The following OSBPL8 variants were observed in gnomAD, a reference collection of about 807,000 sequenced individuals.
OSBPL8 encodes oxysterol-binding protein-related protein 8.
OSBPL8 carries 59 observed loss-of-function variants against 125.5 expected under a neutral mutation model. That is an observed-to-expected ratio of 0.47 (90% CI 0.38 to 0.58). OSBPL8 has a LOEUF of 0.58. Ranked by LOEUF, OSBPL8 falls within the 20% of genes least tolerant of loss-of-function variation. OSBPL8 has a pLI of 0.00. For synonymous variants in OSBPL8, 330 were observed against 338.9 expected (o/e 0.97, Z 0.29); for missense variants, 758 against 1,047.8 (o/e 0.72, Z 3.82).
At chr12:76,499,696 C>CA (rs1387715842) in intron 1 of OSBPL8, among the ~76,000 whole-genome samples, 3 of 152,002 alleles carry the variant, frequency 2.0e-5, no homozygotes, top group Non-Finnish European at 1.5e-5. Flanking sequence ...ACTAAAAATA[C>CA]AAAAATTAGC....
intron 1 of OSBPL8, among the ~76,000 whole-genome samples, chr12:76,517,546 T>C (rs150395917): frequency 1.3e-4 from 20 of 152,310 alleles, no homozygotes; most frequent in Non-Finnish European, 2.8e-4. Context: ...ATGACAATGA[T>C]AAATTTTAAA....
chr12:76,511,967 T>C (rs1881043133), intron 1 of OSBPL8, among the ~76,000 whole-genome samples: 1 of 152,184 alleles, frequency 6.6e-6, no homozygotes, highest in South Asian at 2.1e-4. Flanking sequence ...ATCATTTAAC[T>C]TGTTAAATTT....
In OSBPL8 at chr12:76,371,513, A is replaced by G. The variant is rs1592541599; in HGVS notation, c.1989T>C (p.Ile663=). ...TGTGCCTTATTAATCTCCATTGCTT[A>G]ATGTCAGGTGTTGGATTCCAGAAAA... ...SEVFWNPTPD[I]KQWRLIRHTV... The change falls in exon 19 of 24, where the codon ATT becomes ATC. Residue 663 remains isoleucine (I), a synonymous_variant. Transcript: ENST00000261183. 1 of 1,611,516 alleles carries G rather than the reference A, an allele frequency of 6.2e-7. No homozygotes were observed. Among genetic ancestry groups the G allele is most frequent in the South Asian group, 1.1e-5 (1 of 90,692 alleles).
chr12:76,512,150 G>A (rs1164450979), intron 1 of OSBPL8, among the ~76,000 whole-genome samples: 1 of 152,220 alleles, frequency 6.6e-6, no homozygotes, highest in South Asian at 2.1e-4. Flanking sequence ...GTAGACCCCA[G>A]TGTCTGTTGT....
intron 3 of OSBPL8, among the ~76,000 whole-genome samples, chr12:76,459,409 T>A (rs2136816108): frequency 6.6e-6 from 1 of 152,342 alleles, no homozygotes; most frequent in South Asian, 2.1e-4. Context: ...ATTCCTAAGG[T>A]AAAACATGTT....
At chr12:76,460,594 G>A (rs1427263884) in intron 2 of OSBPL8, among the ~76,000 whole-genome samples, 1 of 151,984 alleles carries the variant, frequency 6.6e-6, no homozygotes, top group East Asian at 1.9e-4. Flanking sequence ...ATAGTATTTG[G>A]AGCTAATGGT....
chr12:76,367,616 T>A (rs1008834080), intron 21 of OSBPL8, among the ~76,000 whole-genome samples: 2 of 152,212 alleles, frequency 1.3e-5, no homozygotes, highest in African/African-American at 4.8e-5. Flanking sequence ...ATACGTCATA[T>A]ACGTTTTTTG....
intron 4 of OSBPL8, among the ~76,000 whole-genome samples, chr12:76,434,081 A>T (rs1484586314): frequency 6.6e-6 from 1 of 152,124 alleles, no homozygotes; most frequent in Non-Finnish European, 1.5e-5. Flanking sequence ...AGCTGGAGGT[A>T]TCACATTTGC....
intron 1 of OSBPL8, among the ~76,000 whole-genome samples, chr12:76,514,287 G>C (rs578147469): frequency 6.7e-6 from 1 of 149,214 alleles, no homozygotes; most frequent in East Asian, 1.9e-4. Flanking sequence ...TGGGGCTACA[G>C]CTGCCTGCCA....
chr12:76,509,279 A>G (rs1259252666), intron 1 of OSBPL8, among the ~76,000 whole-genome samples: 1 of 152,190 alleles, frequency 6.6e-6, no homozygotes, highest in Non-Finnish European at 1.5e-5. Flanking sequence ...TTGTGTATTA[A>G]TAAGTACACT....
chr12:76,386,083 T>C, intron 14 of OSBPL8, 85 bp downstream of exon 14: 1 of 1,505,360 alleles, frequency 6.6e-7, no homozygotes, highest in South Asian at 1.3e-5. Context: ...CTAAATAATA[T>C]TGAGTTTACT....
rs771890972 is a variant in OSBPL8 at position 76,355,847 on chromosome 12, A to G, written c.*42T>C. ...CAACTTGAACACTGGTCCCAGGCCAAATCAGATCTTTCTAGTTCACTGATT... is the reference window on the plus strand; with the variant it reads ...CAACTTGAACACTGGTCCCAGGCCAGATCAGATCTTTCTAGTTCACTGATT... On this transcript the variant is annotated 3_prime_UTR_variant, in exon 24 of 24. Coordinates refer to ENST00000261183, the MANE Select transcript of OSBPL8 (RefSeq NM_020841.5). 11 of 1,597,874 alleles carry G rather than the reference A, an allele frequency of 6.9e-6. No individual in the cohort carries two copies. The East Asian group carries it at 1.6e-4, about 23-fold the overall frequency.
rs1448735568 is a variant in OSBPL8, at chr12:76,352,543, A to C, written c.*3346T>G. ...CTTAGTCAAATAAGATAGAAATTGA[A>C]ATGTAAACTTACTGATTTCTGTGGG... is the stretch of plus-strand genomic sequence containing the variant. On this transcript the variant is annotated 3_prime_UTR_variant, in exon 24 of 24. Transcript: ENST00000261183. 6.6e-6 allele frequency: 1 copy of C among 152,574 alleles called. No homozygotes were observed. Among genetic ancestry groups the C allele is most frequent in the Non-Finnish European group, 1.5e-5 (1 of 67,966 alleles). The allele number at this position is 152,574 out of a possible 1,614,324, so 9.5% of individuals were successfully genotyped here.
chr12:76,383,558 T>C (rs1223790826), intron 15 of OSBPL8, among the ~76,000 whole-genome samples: 1 of 152,150 alleles, frequency 6.6e-6, no homozygotes, highest in Non-Finnish European at 1.5e-5. Flanking sequence ...AACCAGACCT[T>C]GGATTTCTGT....
At chr12:76,380,658 T>G (rs916867195) in intron 15 of OSBPL8, among the ~76,000 whole-genome samples, 3 of 152,092 alleles carry the variant, frequency 2.0e-5, no homozygotes, top group African/African-American at 7.2e-5. Context: ...GAGCTTTTTT[T>G]GTATATTCTT....
intron 1 of OSBPL8, among the ~76,000 whole-genome samples, chr12:76,550,303 C>T (rs74105520): frequency 0.046 from 6,985 of 152,148 alleles, 568 homozygotes; most frequent in African/African-American, 0.16. Context: ...ATATTATCAA[C>T]ATGTTTCTTC....
chr12:76,478,945 T>A (rs1294147963), intron 2 of OSBPL8, among the ~76,000 whole-genome samples: 1 of 151,752 alleles, frequency 6.6e-6, no homozygotes, highest in African/African-American at 2.4e-5. Context: ...ATTAGCCGGG[T>A]GTGATGGCAG....
chr12:76,536,051 T>C (rs1950487398), intron 1 of OSBPL8, among the ~76,000 whole-genome samples: 1 of 152,150 alleles, frequency 6.6e-6, no homozygotes, highest in Non-Finnish European at 1.5e-5. Context: ...CTGAATAAAG[T>C]AGTTTGGGTT....
intron 2 of OSBPL8, among the ~76,000 whole-genome samples, chr12:76,476,313 GC>G (rs1381716163): frequency 6.6e-6 from 1 of 152,046 alleles, no homozygotes; most frequent in Non-Finnish European, 1.5e-5. Context: ...ATTCTAAGGA[GC>G]CCAAGTGCTG....
Sources: gnomAD v4.1 joint callset for allele counts (sites outside exome capture counted in the v4.1 genomes callset) on GRCh38, gnomAD v4.1.1 for gene constraint, MANE v1.5 for transcripts, NCBI Gene and HGNC (gene_info 2026-07-23, HGNC 2026-07-21) for gene names.